The following TMEM123 variants were observed in gnomAD, a reference collection of about 807,000 sequenced individuals.
The protein encoded by TMEM123 is porimin.
A neutral mutation model predicts 19.7 loss-of-function variants in TMEM123; 16 were observed. The observed-to-expected ratio is 0.81, with a 90% CI of 0.55 to 1.23. The LOEUF (loss-of-function observed/expected upper bound fraction) is 1.23. Among genes scored for constraint, TMEM123 ranks in the 50% most tolerant of loss-of-function variants. The pLI, the probability that TMEM123 is intolerant of heterozygous loss-of-function variation, is 0.00. For synonymous variants in TMEM123, 118 were observed against 99.4 expected (o/e 1.19, Z -1.12); for missense variants, 313 against 257.8 (o/e 1.21, Z -1.47).
At position 102,401,640 on chromosome 11, in the gene TMEM123, CCCAGTAT is replaced by C. The variant is rs1951913992; in HGVS notation, c.494_500del (p.Asp165GlyfsTer9). ...TTAATACAATACCACCAACAAAGCTCCCAGTATCAAATTTTGATCCTTTCTTTGCTTC... is the reference window on the plus strand; with the variant it reads ...TTAATACAATACCACCAACAAAGCTCCAAATTTTGATCCTTTCTTTGCTTC... On this transcript the variant is annotated frameshift_variant, in exon 4 of 5. Coordinates refer to ENST00000398136, the MANE Select transcript of TMEM123 (RefSeq NM_052932.3). LOFTEE classifies it high-confidence loss of function. 3 of 1,607,808 alleles carry C rather than the reference CCCAGTAT, an allele frequency of 1.9e-6. No individual in the cohort carries two copies. Among genetic ancestry groups the C allele is most frequent in the Non-Finnish European group, 2.5e-6 (3 of 1,178,616 alleles).
chr11:102,408,105 A>G (rs942831793), intron 2 of TMEM123, among the ~76,000 whole-genome samples: 4 of 152,160 alleles, frequency 2.6e-5, no homozygotes, highest in Non-Finnish European at 4.4e-5. Context: ...ATAGATGTCA[A>G]TCAGAGATAT....
chr11:102,447,145 T>G lies in TMEM123; in HGVS notation c.157+1667A>C, dbSNP rs1591569016. 2.6e-5 allele frequency among the ~76,000 whole-genome samples: 4 copies of G among 152,300 alleles called. No homozygotes were observed. The South Asian group carries it at 8.3e-4, about 32-fold the overall frequency. On this transcript the variant is annotated intron_variant, in intron 2 of 4. Coordinates refer to ENST00000398136, the MANE Select transcript of TMEM123 (RefSeq NM_052932.3). Reference sequence around the variant, plus strand: ...TTATCTGTTCTCCTTCTAGAAAAATTTGAGGCAATGCTTTTCTTCTTTCTC... The same window carrying G: ...TTATCTGTTCTCCTTCTAGAAAAATGTGAGGCAATGCTTTTCTTCTTTCTC...
intron 2 of TMEM123, among the ~76,000 whole-genome samples, chr11:102,424,457 A>G (rs1209761640): frequency 6.6e-6 from 1 of 152,166 alleles, no homozygotes; most frequent in Non-Finnish European, 1.5e-5. Flanking sequence ...AGGCTAAGGC[A>G]GGTGGATCAC....
intron 3 of TMEM123, 30 bp from the exon 4 acceptor site, chr11:102,401,722 T>C (rs1951914905): frequency 1.3e-6 from 2 of 1,556,632 alleles, no homozygotes; most frequent in African/African-American, 1.4e-5. Flanking sequence ...AAAAGGGCTT[T>C]AGCGTTATTT....
chr11:102,420,087 T>C (rs948139139), intron 2 of TMEM123, among the ~76,000 whole-genome samples: 1 of 152,188 alleles, frequency 6.6e-6, no homozygotes, highest in African/African-American at 2.4e-5. Context: ...ATGAATTATA[T>C]AGGAGTTAAG....
chr11:102,402,464 C>G lies in TMEM123; in HGVS notation c.158-258G>C, dbSNP rs1341880939. Among the ~76,000 whole-genome samples, 6 of 151,576 alleles carry G rather than the reference C, an allele frequency of 4.0e-5. No homozygotes were observed. In the East Asian group the frequency reaches 1.2e-3, roughly 29 times the overall value. On this transcript the variant is annotated intron_variant, in intron 2 of 4. Coordinates refer to ENST00000398136, the MANE Select transcript of TMEM123 (RefSeq NM_052932.3). ...AGATATGAAGAAAAAAAAAAACAAC[C>G]CAGAAGACAGAGTTCCCTCAGTGCA...
At chr11:102,415,724 G>T (rs1565349946) in intron 2 of TMEM123, among the ~76,000 whole-genome samples, 1 of 151,964 alleles carries the variant, frequency 6.6e-6, no homozygotes, top group Non-Finnish European at 1.5e-5. Context: ...GAAAATGTTA[G>T]AAAGACCTCA....
intron 2 of TMEM123, among the ~76,000 whole-genome samples, chr11:102,435,000 G>A (rs1857748090): frequency 6.6e-6 from 1 of 151,744 alleles, no homozygotes; most frequent in Admixed American, 6.6e-5. Flanking sequence ...CTTTGTGGTG[G>A]AAGTACATTG....
At chr11:102,425,733 G>A (rs989804257) in intron 2 of TMEM123, among the ~76,000 whole-genome samples, 1 of 151,728 alleles carries the variant, frequency 6.6e-6, no homozygotes, top group East Asian at 1.9e-4. Flanking sequence ...ACAGGCATGT[G>A]CCACCACACC....
intron 3 of TMEM123, 66 bp from the exon 4 acceptor site, chr11:102,401,758 G>T: frequency 1.3e-6 from 2 of 1,506,284 alleles, no homozygotes; most frequent in African/African-American, 2.8e-5. Flanking sequence ...TGTAATTAAA[G>T]CTCTCTGATT....
At chr11:102,439,414 G>A (rs558074858) in intron 2 of TMEM123, among the ~76,000 whole-genome samples, 2 of 151,992 alleles carry the variant, frequency 1.3e-5, no homozygotes, top group Non-Finnish European at 2.9e-5. Flanking sequence ...GCCTCTGCTG[G>A]TGATAGCCAG....
chr11:102,424,041 T>A (rs760991112), intron 2 of TMEM123, among the ~76,000 whole-genome samples: 3 of 152,230 alleles, frequency 2.0e-5, no homozygotes, highest in Admixed American at 2.0e-4. Flanking sequence ...TAACAAGTTC[T>A]ATTATGTGGT....
At chr11:102,429,087 G>C (rs1952153773) in intron 2 of TMEM123, among the ~76,000 whole-genome samples, 1 of 152,094 alleles carries the variant, frequency 6.6e-6, no homozygotes, top group African/African-American at 2.4e-5. Context: ...ACACCAGGAT[G>C]GACAACAGTT....
intron 2 of TMEM123, among the ~76,000 whole-genome samples, chr11:102,445,868 C>A (rs1401370450): frequency 6.6e-6 from 1 of 152,228 alleles, no homozygotes; most frequent in Non-Finnish European, 1.5e-5. Context: ...ACTAACCTCA[C>A]TAGAGTGGCC....
At chr11:102,424,774 A>G (rs1475299266) in intron 2 of TMEM123, among the ~76,000 whole-genome samples, 1 of 152,104 alleles carries the variant, frequency 6.6e-6, no homozygotes, top group Non-Finnish European at 1.5e-5. Context: ...TTTGATTTAT[A>G]TAGATAAGAC....
In TMEM123 at chr11:102,397,199, TC is replaced by T. The variant is rs1257599937; in HGVS notation, c.*1667del. On this transcript the variant is annotated 3_prime_UTR_variant, in exon 5 of 5. Transcript: ENST00000398136. The stretch of plus-strand genomic sequence containing the variant: ...TATTTTGGATCATTTTTTTCTATAT[TC>T]ATCAGATTATTGGTTAAAATGCACA... 6.6e-6 allele frequency: 1 copy of T among 152,084 alleles called. No homozygotes were observed. The highest frequency in any genetic ancestry group is 1.5e-5 in the Non-Finnish European group (1 of 67,942). 9.4% of individuals were successfully genotyped at this position (152,084 alleles called of 1,614,324 possible).
intron 1 of TMEM123, among the ~76,000 whole-genome samples, chr11:102,450,200 C>T (rs1174143775): frequency 2.6e-5 from 4 of 152,192 alleles, no homozygotes; most frequent in Non-Finnish European, 5.9e-5. Flanking sequence ...GTTTTTGTTT[C>T]CCTGCTATTG....
chr11:102,426,950 GA>G (rs1245194716), intron 2 of TMEM123, among the ~76,000 whole-genome samples: 1 of 132,300 alleles, frequency 7.6e-6, no homozygotes. Flanking sequence ...TCAGTTATTT[GA>G]AGTTCTATAG....
chr11:102,426,754 T>G (rs1419799427), intron 2 of TMEM123, among the ~76,000 whole-genome samples: 5 of 151,630 alleles, frequency 3.3e-5, no homozygotes, highest in Non-Finnish European at 5.9e-5. Flanking sequence ...GCAAAGATCT[T>G]TGGTGTCCCT....
Sources: allele counts gnomAD v4.1 joint callset (sites outside exome capture counted in the v4.1 genomes callset), GRCh38; gene constraint gnomAD v4.1.1; transcripts MANE v1.5; gene names NCBI Gene and HGNC (gene_info 2026-07-23, HGNC 2026-07-21).